MKI67: variants seen among roughly 807,000 people sequenced by gnomAD.
MKI67 encodes the protein marker of proliferation Ki-67, also known as proliferation marker protein Ki-67.
Under a neutral mutation model 233.5 loss-of-function variants are expected in MKI67, and 152 were observed. The observed-to-expected ratio is 0.65, with a 90% CI of 0.57 to 0.74. The LOEUF (loss-of-function observed/expected upper bound fraction) is 0.74, where lower values mean the gene tolerates loss of function less well. Among genes scored for constraint, MKI67 ranks in the 30% least tolerant of loss-of-function variants. The pLI is 0.00. For missense variants in MKI67, 3,940 were observed against 3,885.2 expected (o/e 1.01, Z -0.37); for synonymous variants, 1,465 against 1,418.5 (o/e 1.03, Z -0.74).
chr10:128,118,860 G>A (rs1306005843), intron 5 of MKI67, among the ~76,000 whole-genome samples: 1 of 152,162 alleles, frequency 6.6e-6, no homozygotes, highest in Non-Finnish European at 1.5e-5. Flanking sequence ...TTTTCATAAT[G>A]TGATTATTTC....
In MKI67 at chr10:128,120,021, T is replaced by C. The variant is rs186794409; in HGVS notation, c.288-702A>G. ...ATTTATAGGCAACCTAAGTAAGATC[T>C]GAAGCAGTCACACATCTGATATTAT... On this transcript the variant is annotated intron_variant, in intron 4 of 14. Coordinates refer to ENST00000368654, the MANE Select transcript of MKI67 (RefSeq NM_002417.5). 4.3e-4 allele frequency among the ~76,000 whole-genome samples: 65 copies of C among 152,348 alleles called. 1 individual carries two copies. The East Asian group carries it at 0.011, about 26-fold the overall frequency.
intron 7 of MKI67, among the ~76,000 whole-genome samples, chr10:128,114,541 T>C (rs1459409599): frequency 6.6e-6 from 1 of 152,006 alleles, no homozygotes; most frequent in African/African-American, 2.4e-5. Context: ...CAGTGATTTA[T>C]TCCACATGAC....
intron 4 of MKI67, among the ~76,000 whole-genome samples, chr10:128,121,517 C>T (rs1852942888): frequency 4.7e-5 from 2 of 42,142 alleles, no homozygotes; most frequent in Admixed American, 3.8e-4. Flanking sequence ...ATAGTATATA[C>T]TATATAATAT....
intron 8 of MKI67, 50 bp downstream of exon 8, chr10:128,113,377 C>T (rs1221043980): frequency 3.2e-6 from 5 of 1,574,902 alleles, no homozygotes; most frequent in Non-Finnish European, 4.4e-6. Context: ...GAATAGGTAC[C>T]CGGTGTGTGA....
Position 128,103,561 on chromosome 10 carries a change from T to C in MKI67, c.8279A>G (p.Asp2760Gly), listed in dbSNP as rs10082391. The C allele has an allele frequency of 0.18, 295,161 of 1,613,804 alleles. 28,237 individuals carry two copies. Among genetic ancestry groups the C allele is most frequent in the African/African-American group, 0.31 (23,482 of 74,860 alleles). Reference sequence around the variant, plus strand: ...TTCCTTCAATGCTTTGATGCCTTTATCTTCACCTGCTGGTTCTTTGTCTGC... The same window carrying C: ...TTCCTTCAATGCTTTGATGCCTTTACCTTCACCTGCTGGTTCTTTGTCTGC... Reference protein sequence around the residue: ...TDADKEPAGEDKGIKALKESA... With the variant: ...TDADKEPAGEGKGIKALKESA... Residue 2760 changes from aspartate to glycine, a missense_variant, in exon 13 of 15, where the codon GAT (aspartate) becomes GGT (glycine). Transcript: ENST00000368654.
chr10:128,106,266 G>A lies in MKI67; in HGVS notation c.5574C>T (p.Leu1858=). ...TTDEKTTKKI[L]CKSPQSDPAD... ...CTGGGTCTGATTGCGGAGATTTGCA[G>A]AGTATTTTTTTGGTAGTTTTCTCAT... The change falls in exon 13 of 15, where the codon CTC becomes CTT. Residue 1858 remains leucine, a synonymous_variant. Coordinates refer to ENST00000368654, the MANE Select transcript of MKI67 (RefSeq NM_002417.5). 1 of 1,614,112 alleles carries A rather than the reference G, an allele frequency of 6.2e-7. No homozygotes were observed. The highest frequency in any genetic ancestry group is 1.1e-5 in the South Asian group (1 of 91,078).
chr10:128,105,444 T>C lies in MKI67; in HGVS notation c.6396A>G (p.Glu2132=). The C allele has an allele frequency of 1.2e-6, 2 of 1,614,200 alleles. No individual in the cohort carries two copies. Among genetic ancestry groups the C allele is most frequent in the Non-Finnish European group, 1.7e-6 (2 of 1,180,038 alleles). The change falls in exon 13 of 15, where the codon GAA becomes GAG. Residue 2132 remains glutamate (E), a synonymous_variant. Coordinates refer to ENST00000368654, the MANE Select transcript of MKI67 (RefSeq NM_002417.5). ...TGAGCTGCTTCAGGGCTGAGAGCTC[T>C]TCCACTATATCCCTTTTCCCCAAAG... The part of the protein sequence containing the change: ...KTPLGKRDIV[E]ELSALKQLTQ...
At chr10:128,123,055 A>G (rs1293815291) in intron 3 of MKI67, 36 bp downstream of exon 3, 1 of 1,594,096 alleles carries the variant, frequency 6.3e-7, no homozygotes, top group Non-Finnish European at 8.6e-7. Context: ...GTGAACTAAA[A>G]AGCTTTAAAA....
Position 128,106,728 on chromosome 10 carries a change from A to G in MKI67, c.5112T>C (p.Ser1704=). Residue 1704 remains serine (S), a synonymous_variant, in exon 13 of 15, where the codon TCT becomes TCC. Coordinates refer to ENST00000368654, the MANE Select transcript of MKI67 (RefSeq NM_002417.5). ...KRQLRTPKGK[S]EVPEDLAGFI... is the part of the protein sequence containing the mutation. ...AGCCGGCCAGGTCTTCAGGGACTTC[A>G]GACTTTCCCTTAGGAGTTCTCAGCT... is the stretch of plus-strand genomic sequence containing the variant. 1.9e-6 allele frequency: 3 copies of G among 1,613,552 alleles called. No individual in the cohort carries two copies. Among genetic ancestry groups the G allele is most frequent in the Non-Finnish European group, 2.5e-6 (3 of 1,179,892 alleles).
rs1852548486 is a variant in MKI67, at chr10:128,107,806, T to G, written c.4034A>C (p.Asp1345Ala). ...TPKEEAQALE[D>A]LTGFKELFQT... ...GAAGAGCTCTTTAAAGCCAGTCAGG[T>G]CTTCCAGAGCCTGGGCCTCTTCCTT... is the stretch of plus-strand genomic sequence containing the variant. Residue 1345 changes from aspartate (D) to alanine (A), a missense_variant, in exon 13 of 15, where the codon GAC (aspartate) becomes GCC (alanine). Asp to Ala is a moderately radical substitution (Grantham distance 126, BLOSUM62 -2). Transcript: ENST00000368654. The G allele has an allele frequency of 6.2e-7, 1 of 1,613,782 alleles. No individual in the cohort carries two copies. The highest frequency in any genetic ancestry group is 8.5e-7 in the Non-Finnish European group (1 of 1,179,954).
rs201641937 is a variant in MKI67 at position 128,104,588 on chromosome 10, G to A, written c.7252C>T (p.Pro2418Ser). ...GTCTGTGGCTGTCTCTTGCTGCCAG[G>A]TAAATTTCCTAGCAGGTCCAGTTTC... is the stretch of plus-strand genomic sequence containing the variant. ...VQKLDLLGNL[P>S]GSKRQPQTPK... Residue 2418 changes from proline to serine, a missense_variant, in exon 13 of 15, where the codon CCT (proline) becomes TCT (serine). Physicochemically the swap from Pro to Ser is moderately conservative, Grantham distance 74. Coordinates refer to ENST00000368654, the MANE Select transcript of MKI67 (RefSeq NM_002417.5). The A allele has an allele frequency of 4.3e-6, 7 of 1,614,052 alleles. No homozygotes were observed. Among genetic ancestry groups the A allele is most frequent in the Non-Finnish European group, 5.9e-6 (7 of 1,180,006 alleles).
At position 128,108,143 on chromosome 10, in the gene MKI67, T is replaced by G; in HGVS notation, c.3697A>C (p.Thr1233Pro). ...ACTAATTCCTCGGTGTGACCAGGAG[T>G]CTGGAAGAGCTCTTTAAAGCCAGCC... ...DLAGFKELFQTPGHTEELVAA... is the reference protein window; with the variant it reads ...DLAGFKELFQPPGHTEELVAA... Residue 1233 changes from threonine to proline, a missense_variant, in exon 13 of 15, where the codon ACT becomes CCT. Thr to Pro is a conservative substitution (Grantham distance 38, BLOSUM62 -1). Transcript: ENST00000368654. The G allele has an allele frequency of 6.2e-7, 1 of 1,613,254 alleles. No homozygotes were observed. Among genetic ancestry groups the G allele is most frequent in the Non-Finnish European group, 8.5e-7 (1 of 1,179,876 alleles).
At position 128,106,370 on chromosome 10, in the gene MKI67, C is replaced by T. The variant is rs769654639; in HGVS notation, c.5470G>A (p.Glu1824Lys). ...GSNRRLQTRK[E>K]KAQALEELTG... is the part of the protein sequence containing the mutation. ...AGTTCTTCTAGAGCCTGGGCCTTTT[C>T]CTTACGAGTTTGTAGCCGTCTATTG... Residue 1824 changes from glutamate (E) to lysine (K), a missense_variant, in exon 13 of 15, where the codon GAA becomes AAA. Physicochemically the swap from Glu to Lys is moderately conservative, Grantham distance 56. Transcript: ENST00000368654. 6.2e-7 allele frequency: 1 copy of T among 1,613,872 alleles called. No homozygotes were observed. The highest frequency in any genetic ancestry group is 8.5e-7 in the Non-Finnish European group (1 of 1,179,966).
In MKI67 at chr10:128,098,065, T is replaced by C. The variant is rs556503938; in HGVS notation, c.*1125A>G. 3.9e-5 allele frequency: 6 copies of C among 152,306 alleles called. No individual in the cohort carries two copies. The highest frequency in any genetic ancestry group is 1.3e-4 in the Admixed American group (2 of 15,296). 9.4% of individuals were successfully genotyped at this position (152,306 alleles called of 1,614,324 possible). A position where few individuals can be genotyped will look rare whatever the true frequency, so the allele number is the denominator to read the frequency against. On this transcript the variant is annotated 3_prime_UTR_variant, in exon 15 of 15. Transcript: ENST00000368654. ...GGCAAGGTGGGTGAATGGGGAGGAA[T>C]CCAGACAGGTGACCTGGGGGATGGC...
rs779641652 is a variant in MKI67, at chr10:128,103,414, C to T, written c.8426G>A (p.Gly2809Asp). The T allele has an allele frequency of 1.2e-6, 2 of 1,613,412 alleles. No individual in the cohort carries two copies. The highest frequency in any genetic ancestry group is 1.7e-4 in the Middle Eastern group (1 of 6,056). The change falls in exon 13 of 15, where the codon GGT becomes GAT. Residue 2809 changes from glycine (G) to aspartate (D), a missense_variant. Physicochemically the swap from Gly to Asp is moderately conservative, Grantham distance 94 (BLOSUM62 -1). Coordinates refer to ENST00000368654, the MANE Select transcript of MKI67 (RefSeq NM_002417.5). ...ATCAGTCATTGATTCTTCAGTGTGA[C>T]CTGCTGCTGGGTCTTTGAAGCCAGC... The part of the protein sequence containing the change: ...DLAGFKDPAA[G>D]HTEESMTDDK...
intron 14 of MKI67, among the ~76,000 whole-genome samples, 180 bp downstream of exon 14, chr10:128,101,078 C>T (rs1426949632): frequency 2.6e-5 from 4 of 152,206 alleles, no homozygotes; most frequent in African/African-American, 9.7e-5. Flanking sequence ...GTAGACACAA[C>T]AAAATATAAC....
chr10:128,108,459 T>A lies in MKI67; in HGVS notation c.3381A>T (p.Ile1127=), dbSNP rs1439929535. The change falls in exon 13 of 15, where the codon ATA becomes ATT. Residue 1127 remains isoleucine, a synonymous_variant. Transcript: ENST00000368654. ...ESMTDEKTTK[I]ACKSPPPESV... ...ATTCTGGTGGTGGAGATTTGCAGGC[T>A]ATTTTGGTAGTTTTCTCATCAGTCA... 4 of 1,613,768 alleles carry A rather than the reference T, an allele frequency of 2.5e-6. No individual in the cohort carries two copies. Among genetic ancestry groups the A allele is most frequent in the Non-Finnish European group, 3.4e-6 (4 of 1,180,002 alleles).
chr10:128,122,779 G>T, intron 4 of MKI67, 102 bp downstream of exon 4: 1 of 561,130 alleles, frequency 1.8e-6, no homozygotes, highest in Non-Finnish European at 3.1e-6. Context: ...GAAATACTTT[G>T]ACATCCATGA....
chr10:128,106,943 G>T lies in MKI67; in HGVS notation c.4897C>A (p.Leu1633Ile), dbSNP rs747424093. Residue 1633 changes from leucine (L) to isoleucine (I), a missense_variant, in exon 13 of 15, where the codon CTC (leucine) becomes ATC (isoleucine). Transcript: ENST00000368654. Reference protein sequence around the residue: ...DKNPASSKRRLKTSLGKVGVK... With the variant: ...DKNPASSKRRIKTSLGKVGVK... ...CCCACTTTCCCCAGGGATGTCTTGA[G>T]CCGTCGCTTGGAGCTTGCTGGGTTT... The T allele has an allele frequency of 1.9e-6, 3 of 1,614,052 alleles. No individual in the cohort carries two copies. The African/African-American group carries it at 4.0e-5, about 22-fold the overall frequency.
Sources: gnomAD v4.1 joint callset for allele counts (sites outside exome capture counted in the v4.1 genomes callset) on GRCh38, gnomAD v4.1.1 for gene constraint, MANE v1.5 for transcripts, NCBI Gene and HGNC (gene_info 2026-07-23, HGNC 2026-07-21) for gene names.